Variants in TMEM132B observed in about 807,000 individuals in gnomAD.
The protein encoded by TMEM132B is transmembrane protein 132B.
Under a neutral mutation model 90.8 loss-of-function variants are expected in TMEM132B, and 18 were observed. That is an observed-to-expected ratio of 0.20 (90% CI 0.14 to 0.29). The LOEUF (loss-of-function observed/expected upper bound fraction) is 0.29. TMEM132B is among the 10% of genes least tolerant of loss of function. The probability of loss-of-function intolerance (pLI) is 1.00; values close to 1 mark genes in which losing one functional copy is unlikely to be tolerated. For synonymous variants in TMEM132B, 504 were observed against 523.3 expected (o/e 0.96, Z 0.50); for missense variants, 1,096 against 1,326.8 (o/e 0.83, Z 2.70).
intron 1 of TMEM132B, among the ~76,000 whole-genome samples, chr12:125,321,807 A>G (rs1876431923): frequency 6.6e-6 from 1 of 151,976 alleles, no homozygotes; most frequent in East Asian, 1.9e-4. Flanking sequence ...AAGTTAAGAT[A>G]CACCACCATA....
chr12:125,610,621 C>G (rs1885801230), intron 5 of TMEM132B, among the ~76,000 whole-genome samples: 1 of 128,614 alleles, frequency 7.8e-6, no homozygotes. Context: ...TGTAAAATCT[C>G]TCTCTCTCTC....
intron 5 of TMEM132B, among the ~76,000 whole-genome samples, chr12:125,619,877 G>A (rs1886079489): frequency 6.6e-6 from 1 of 152,228 alleles, no homozygotes; most frequent in African/African-American, 2.4e-5. Context: ...GGCTTCTGTG[G>A]CCATAAATCT....
intron 1 of TMEM132B, among the ~76,000 whole-genome samples, chr12:125,313,772 A>T (rs1482151793): frequency 1.6e-5 from 2 of 125,428 alleles, no homozygotes; most frequent in Non-Finnish European, 3.2e-5. Flanking sequence ...ATGGGACTGG[A>T]GCAGTTGCAG....
chr12:125,530,261 T>C (rs1397355076), intron 4 of TMEM132B, among the ~76,000 whole-genome samples: 1 of 152,062 alleles, frequency 6.6e-6, no homozygotes, highest in Non-Finnish European at 1.5e-5. Flanking sequence ...CATTTCCCTA[T>C]TGACGAATAT....
At chr12:125,540,265 A>C (rs984741583) in intron 4 of TMEM132B, among the ~76,000 whole-genome samples, 20 of 152,214 alleles carry the variant, frequency 1.3e-4, no homozygotes, top group Admixed American at 9.2e-4. Flanking sequence ...CTCTGTGCAC[A>C]CTGAGAAATG....
At chr12:125,228,912 C>G (rs1183921052) in intron 1 of TMEM132B, among the ~76,000 whole-genome samples, 5 of 152,188 alleles carry the variant, frequency 3.3e-5, no homozygotes, top group Non-Finnish European at 7.3e-5. Flanking sequence ...TTGACTAATT[C>G]TCTCCCTAAG....
intron 3 of TMEM132B, among the ~76,000 whole-genome samples, chr12:125,476,072 A>C (rs1881873943): frequency 6.6e-6 from 1 of 152,230 alleles, no homozygotes; most frequent in South Asian, 2.1e-4. Context: ...GTAGCCAAAA[A>C]GTGTTAAAAG....
At chr12:125,604,529 G>T (rs190676184) in intron 5 of TMEM132B, among the ~76,000 whole-genome samples, 60 of 152,254 alleles carry the variant, frequency 3.9e-4, no homozygotes, top group Admixed American at 3.2e-3. Flanking sequence ...CAGGTTGATA[G>T]GTGCAGCAAA....
chr12:125,433,415 C>T (rs947163625), intron 3 of TMEM132B, among the ~76,000 whole-genome samples: 1 of 152,150 alleles, frequency 6.6e-6, no homozygotes, highest in Admixed American at 6.5e-5. Flanking sequence ...CAAACACTCT[C>T]CGGCTCAACT....
chr12:125,311,632 A>G (rs556300357), intron 1 of TMEM132B, among the ~76,000 whole-genome samples: 1 of 152,180 alleles, frequency 6.6e-6, no homozygotes, highest in Admixed American at 6.5e-5. Context: ...TCTCATGCTT[A>G]TCTCTTTCCA....
At chr12:125,613,874 T>G (rs771378000) in intron 5 of TMEM132B, among the ~76,000 whole-genome samples, 6 of 152,092 alleles carry the variant, frequency 3.9e-5, no homozygotes, top group Non-Finnish European at 5.9e-5. Context: ...CTTGCTCATT[T>G]TATTTGATTC....
intron 4 of TMEM132B, among the ~76,000 whole-genome samples, chr12:125,571,232 C>T (rs773268402): frequency 2.2e-4 from 34 of 152,060 alleles, no homozygotes; most frequent in Admixed American, 7.9e-4. Context: ...AGCTTAGCAG[C>T]GGAGTGATTC....
At chr12:125,326,490 G>T in intron 1 of TMEM132B, 4 of 1,012,664 alleles carry the variant, frequency 3.9e-6, no homozygotes, top group Non-Finnish European at 6.0e-6. Flanking sequence ...CTGACATTCC[G>T]TTGTCCTGGC....
In TMEM132B at chr12:125,432,397, A is replaced by ATATATATGTATG. The variant is rs768917407; in HGVS notation, c.1106+16721_1106+16722insATATATGTATGT. Among the ~76,000 whole-genome samples, 69 of 68,318 alleles carry ATATATATGTATG rather than the reference A, an allele frequency of 1.0e-3. 19 individuals carry two copies. Among genetic ancestry groups the ATATATATGTATG allele is most frequent in the African/African-American group, 4.3e-3 (66 of 15,436 alleles). 44.8% of individuals were successfully genotyped at this position (68,318 alleles called of 152,430 possible). ...TATATATATATATATATATATATAT[A>ATATATATGTATG]TGTATGTATGTGTATATATATATAT... On this transcript the variant is annotated intron_variant, in intron 3 of 8. Transcript: ENST00000682704.
At chr12:125,231,793 T>G (rs1239864729) in intron 1 of TMEM132B, among the ~76,000 whole-genome samples, 1 of 152,150 alleles carries the variant, frequency 6.6e-6, no homozygotes, top group Non-Finnish European at 1.5e-5. Context: ...TTACAATCTT[T>G]GTACCGATCC....
At chr12:125,328,668 A>C (rs1343535153) in intron 1 of TMEM132B, among the ~76,000 whole-genome samples, 1 of 152,126 alleles carries the variant, frequency 6.6e-6, no homozygotes, top group Non-Finnish European at 1.5e-5. Flanking sequence ...CATTGGATTT[A>C]AAGTCTGCCT....
intron 4 of TMEM132B, among the ~76,000 whole-genome samples, chr12:125,521,958 C>A (rs948136941): frequency 6.6e-6 from 1 of 152,182 alleles, no homozygotes; most frequent in East Asian, 1.9e-4. Context: ...CAGCCAGTGC[C>A]ATTATCTTGC....
intron 1 of TMEM132B, among the ~76,000 whole-genome samples, chr12:125,260,703 G>A (rs1432307202): frequency 3.3e-5 from 5 of 152,022 alleles, no homozygotes; most frequent in Non-Finnish European, 7.4e-5. Flanking sequence ...TTGTCCTAAG[G>A]TATAAGTATT....
intron 4 of TMEM132B, among the ~76,000 whole-genome samples, chr12:125,578,156 TG>T (rs1884978174): frequency 6.6e-6 from 1 of 152,142 alleles, no homozygotes; most frequent in African/African-American, 2.4e-5. Context: ...TTTTCCTTGT[TG>T]ATCTTATGAC....
Sources: allele counts gnomAD v4.1 joint callset (sites outside exome capture counted in the v4.1 genomes callset), GRCh38; gene constraint gnomAD v4.1.1; transcripts MANE v1.5; gene names NCBI Gene and HGNC (gene_info 2026-07-23, HGNC 2026-07-21).